The following SGCZ variants were observed in gnomAD, a reference collection of about 807,000 sequenced individuals.
SGCZ encodes sarcoglycan zeta.
In SGCZ, 40 loss-of-function variants were observed where a neutral mutation model predicts 41.3. The ratio of observed to expected loss-of-function variants is 0.97; its 90% CI spans 0.75 to 1.26. SGCZ has a LOEUF of 1.26. Among genes scored for constraint, SGCZ ranks in the 50% most tolerant of loss-of-function variants. The probability of loss-of-function intolerance (pLI) is 0.00; values close to 1 mark genes in which losing one functional copy is unlikely to be tolerated. For synonymous variants in SGCZ, 206 were observed against 137.5 expected (o/e 1.50, Z -3.49); for missense variants, 552 against 369.8 (o/e 1.49, Z -4.04).
chr8:14,903,978 G>A (rs1204678285), intron 1 of SGCZ, among the ~76,000 whole-genome samples: 1 of 151,924 alleles, frequency 6.6e-6, no homozygotes, highest in African/African-American at 2.4e-5. Context: ...TTTCGTAACA[G>A]GAAATTGTGG....
intron 1 of SGCZ, among the ~76,000 whole-genome samples, chr8:14,876,726 T>G (rs1804370281): frequency 6.6e-6 from 1 of 152,160 alleles, no homozygotes; most frequent in South Asian, 2.1e-4. Flanking sequence ...AACCAACTGG[T>G]TGAAACAGAA....
chr8:14,563,682 G>C (rs986223155), intron 1 of SGCZ, among the ~76,000 whole-genome samples: 2 of 152,072 alleles, frequency 1.3e-5, no homozygotes, highest in African/African-American at 4.8e-5. Flanking sequence ...CTGGTACATA[G>C]CTTTTAAAAA....
intron 1 of SGCZ, among the ~76,000 whole-genome samples, chr8:14,831,296 G>C (rs1802518453): frequency 6.6e-6 from 1 of 152,094 alleles, no homozygotes; most frequent in Non-Finnish European, 1.5e-5. Flanking sequence ...TATAGTACAT[G>C]GAAACATATT....
At chr8:14,341,927 T>G (rs899744002) in intron 2 of SGCZ, among the ~76,000 whole-genome samples, 3 of 152,158 alleles carry the variant, frequency 2.0e-5, no homozygotes, top group Non-Finnish European at 2.9e-5. Context: ...ATCAGCAGTG[T>G]GAAAACAGAA....
intron 1 of SGCZ, among the ~76,000 whole-genome samples, chr8:14,901,612 G>A (rs537600378): frequency 9.2e-5 from 14 of 151,882 alleles, no homozygotes; most frequent in East Asian, 5.8e-4. Flanking sequence ...GAAAATTTTC[G>A]GGTGAAAAAA....
intron 1 of SGCZ, among the ~76,000 whole-genome samples, chr8:15,182,584 T>C (rs2117090586): frequency 6.6e-6 from 1 of 152,242 alleles, no homozygotes; most frequent in South Asian, 2.1e-4. Flanking sequence ...TTTTTTTAAG[T>C]GGCACACCTG....
chr8:14,619,139 T>C (rs1434282340), intron 1 of SGCZ, among the ~76,000 whole-genome samples: 3 of 152,060 alleles, frequency 2.0e-5, no homozygotes, highest in East Asian at 1.9e-4. Context: ...GTTCAACATA[T>C]GCAAATCAAT....
chr8:14,443,656 T>C (rs970043604), intron 2 of SGCZ, among the ~76,000 whole-genome samples: 43 of 152,122 alleles, frequency 2.8e-4, no homozygotes, highest in Non-Finnish European at 4.6e-4. Flanking sequence ...ATATAAAAAT[T>C]AATTCAAGAT....
intron 1 of SGCZ, among the ~76,000 whole-genome samples, chr8:14,881,012 G>T (rs908695465): frequency 6.6e-6 from 1 of 151,802 alleles, no homozygotes; most frequent in African/African-American, 2.4e-5. Flanking sequence ...ACAAAACACA[G>T]AGAAAGAGTC....
At chr8:15,010,607 A>T (rs776018342) in intron 1 of SGCZ, among the ~76,000 whole-genome samples, 17 of 152,178 alleles carry the variant, frequency 1.1e-4, no homozygotes, top group Non-Finnish European at 2.4e-4. Flanking sequence ...CAACCACATG[A>T]GGGTTGACTG....
At chr8:14,406,696 C>G (rs1013128736) in intron 2 of SGCZ, among the ~76,000 whole-genome samples, 2 of 141,494 alleles carry the variant, frequency 1.4e-5, no homozygotes, top group East Asian at 3.9e-4. Flanking sequence ...AGGGCAATCC[C>G]TGAAAATTAC....
intron 1 of SGCZ, among the ~76,000 whole-genome samples, chr8:15,058,159 T>C (rs2131005572): frequency 6.6e-6 from 1 of 152,358 alleles, no homozygotes; most frequent in South Asian, 2.1e-4. Flanking sequence ...TGAACACTAA[T>C]AAATTAAGAT....
At chr8:14,806,186 C>G (rs1362939301) in intron 1 of SGCZ, among the ~76,000 whole-genome samples, 7 of 151,822 alleles carry the variant, frequency 4.6e-5, no homozygotes, top group Non-Finnish European at 1.0e-4. Context: ...AAAGCAAGAG[C>G]AAACACATTC....
chr8:15,181,897 A>C lies in SGCZ; in HGVS notation c.39+55688T>G, dbSNP rs560001193. On this transcript the variant is annotated intron_variant, in intron 1 of 7. Coordinates refer to ENST00000382080, the MANE Select transcript of SGCZ (RefSeq NM_139167.4). ...GGTGAACTTTTCCTACTCTTCTGAT[A>C]CCTTCTTCTAATGCTTTTAATTTTC... Among the ~76,000 whole-genome samples the C allele has an allele frequency of 2.0e-5, 3 of 152,292 alleles. 1 individual carries two copies. In the South Asian group the frequency reaches 6.2e-4, roughly 32 times the overall value.
chr8:14,974,049 T>G (rs1456136744), intron 1 of SGCZ, among the ~76,000 whole-genome samples: 2 of 152,182 alleles, frequency 1.3e-5, no homozygotes, highest in African/African-American at 2.4e-5. Flanking sequence ...CTATCACCAT[T>G]TGCTGATTTG....
chr8:14,748,157 G>T (rs1361420120), intron 1 of SGCZ, among the ~76,000 whole-genome samples: 1 of 152,036 alleles, frequency 6.6e-6, no homozygotes, highest in Non-Finnish European at 1.5e-5. Context: ...ATTGTATTAA[G>T]CTCTTCTAAT....
At chr8:14,839,484 A>T (rs1038529064) in intron 1 of SGCZ, among the ~76,000 whole-genome samples, 1 of 152,170 alleles carries the variant, frequency 6.6e-6, no homozygotes, top group Non-Finnish European at 1.5e-5. Context: ...TAGAGATTTA[A>T]ATTTGAGAGT....
chr8:14,328,703 T>C (rs2117045279), intron 2 of SGCZ, among the ~76,000 whole-genome samples: 1 of 152,312 alleles, frequency 6.6e-6, no homozygotes, highest in Middle Eastern at 3.4e-3. Flanking sequence ...GATACTCTTG[T>C]TCATCATTGC....
At chr8:14,923,348 C>A (rs1252530007) in intron 1 of SGCZ, among the ~76,000 whole-genome samples, 1 of 152,102 alleles carries the variant, frequency 6.6e-6, no homozygotes, top group African/African-American at 2.4e-5. Context: ...TAAAAATACA[C>A]AAATTTACCT....
Sources: gnomAD v4.1 joint callset for allele counts (sites outside exome capture counted in the v4.1 genomes callset) on GRCh38, gnomAD v4.1.1 for gene constraint, MANE v1.5 for transcripts, NCBI Gene and HGNC (gene_info 2026-07-23, HGNC 2026-07-21) for gene names.